Variants in PRMT3 observed in about 807,000 individuals in gnomAD.
PRMT3 encodes protein arginine methyltransferase 3.
Under a neutral mutation model 71.9 loss-of-function variants are expected in PRMT3, and 62 were observed. The observed-to-expected ratio is 0.86, with a 90% confidence interval of 0.70 to 1.07. The LOEUF (loss-of-function observed/expected upper bound fraction) is 1.07, where lower values mean the gene tolerates loss of function less well. Among genes scored for constraint, PRMT3 ranks in the 50% least tolerant of loss-of-function variants. PRMT3 has a pLI of 0.00. For missense variants in PRMT3, 663 were observed against 643.0 expected, an observed-to-expected ratio of 1.03 and a Z score of -0.34; for synonymous variants, 213 against 220.4, an observed-to-expected ratio of 0.97 and a Z score of 0.30.
intron 6 of PRMT3, among the ~76,000 whole-genome samples, chr11:20,396,494 G>A (rs775236105): frequency 5.3e-4 from 80 of 152,034 alleles, no homozygotes; most frequent in Non-Finnish European, 8.8e-4. Context: ...AAAATTAGCC[G>A]GGTTGTGGTG....
At chr11:20,389,972 T>C (rs117952768) in intron 3 of PRMT3, 146 bp downstream of exon 3, 7,665 of 562,098 alleles carry the variant, frequency 0.014, 107 homozygotes, top group Non-Finnish European at 0.018. Flanking sequence ...GCCAACATGC[T>C]GAAACCCCAC....
At chr11:20,494,539 G>A (rs1468050754) in intron 15 of PRMT3, among the ~76,000 whole-genome samples, 1 of 152,080 alleles carries the variant, frequency 6.6e-6, no homozygotes, top group Non-Finnish European at 1.5e-5. Flanking sequence ...TCACCATGTT[G>A]GTCCCCAACT....
intron 15 of PRMT3, among the ~76,000 whole-genome samples, chr11:20,504,745 A>AGC (rs1474759869): frequency 7.1e-5 from 10 of 141,250 alleles, no homozygotes; most frequent in East Asian, 2.1e-4. Context: ...AGAGAGAGAG[A>AGC]GCGAGAGCGA....
chr11:20,505,312 T>C (rs1458739513), intron 15 of PRMT3, among the ~76,000 whole-genome samples: 1 of 152,176 alleles, frequency 6.6e-6, no homozygotes, highest in Non-Finnish European at 1.5e-5. Context: ...ATACTTACTT[T>C]ATGTTGGGTC....
intron 8 of PRMT3, chr11:20,406,437 G>A (rs1186178471): frequency 6.6e-6 from 1 of 152,156 alleles, no homozygotes; most frequent in Non-Finnish European, 1.5e-5. Context: ...TTAGCATAAT[G>A]TCCTCAAGAT....
Position 20,419,179 on chromosome 11 carries a change from C to T in PRMT3, c.894-7587C>T, listed in dbSNP as rs563603159. ...AACAGTTGTGGTTGGTATTATCCAC[C>T]ATTAAAAAATGTTTCCAGTCATTTG... On this transcript the variant is annotated intron_variant, in intron 9 of 15. Transcript: ENST00000331079. Among the ~76,000 whole-genome samples the T allele has an allele frequency of 1.9e-3, 296 of 152,220 alleles. 3 individuals are homozygous for T. The highest frequency in any genetic ancestry group is 3.6e-3 in the Non-Finnish European group (246 of 68,018).
At chr11:20,448,761 C>A (rs953602268) in intron 10 of PRMT3, among the ~76,000 whole-genome samples, 2 of 152,144 alleles carry the variant, frequency 1.3e-5, no homozygotes, top group Admixed American at 1.3e-4. Flanking sequence ...AGTTAATATT[C>A]TAGTCCCTGA....
intron 9 of PRMT3, among the ~76,000 whole-genome samples, chr11:20,417,444 C>G (rs371666341): frequency 6.6e-6 from 1 of 152,106 alleles, no homozygotes; most frequent in Admixed American, 6.6e-5. Flanking sequence ...TTTAAATGCA[C>G]TCGATTAGGT....
At chr11:20,477,008 C>T (rs1402003406) in intron 13 of PRMT3, among the ~76,000 whole-genome samples, 2 of 152,098 alleles carry the variant, frequency 1.3e-5, no homozygotes, top group East Asian at 1.9e-4. Flanking sequence ...CGGGAGGGGT[C>T]GATCCCTTTT....
At chr11:20,486,249 AC>A (rs1851068298) in intron 13 of PRMT3, among the ~76,000 whole-genome samples, 1 of 152,242 alleles carries the variant, frequency 6.6e-6, no homozygotes, top group Non-Finnish European at 1.5e-5. Flanking sequence ...TGATGGTTAC[AC>A]AACTCTGAGT....
At chr11:20,428,639 T>C (rs1406450935) in intron 10 of PRMT3, among the ~76,000 whole-genome samples, 1 of 152,244 alleles carries the variant, frequency 6.6e-6, no homozygotes, top group Non-Finnish European at 1.5e-5. Flanking sequence ...TATTGAAAGT[T>C]GTACTGGAAT....
rs556121520 is a variant in PRMT3, at chr11:20,483,494, A to G, written c.1348-10425A>G. On this transcript the variant is annotated intron_variant, in intron 13 of 15. Transcript: ENST00000331079. ...GAAAACCGATGATGTGTGAGGGAGC[A>G]GGAGAAGAGAAATCTAGAGAAGCAG... is the stretch of plus-strand genomic sequence containing the variant. 5.9e-5 allele frequency among the ~76,000 whole-genome samples: 9 copies of G among 151,920 alleles called. No homozygotes were observed. In the South Asian group the frequency reaches 1.0e-3, roughly 18 times the overall value.
At chr11:20,388,768 A>AGCTGTGGTGT (rs1196720727) in intron 2 of PRMT3, among the ~76,000 whole-genome samples, 1 of 152,252 alleles carries the variant, frequency 6.6e-6, no homozygotes, top group African/African-American at 2.4e-5. Context: ...AAGGTCACAA[A>AGCTGTGGTGT]GCTGTGGTGT....
At chr11:20,493,307 C>A (rs960313297) in intron 13 of PRMT3, among the ~76,000 whole-genome samples, 2 of 152,038 alleles carry the variant, frequency 1.3e-5, no homozygotes, top group East Asian at 3.9e-4. Flanking sequence ...ATTCATAGTA[C>A]TTAAAAACAG....
chr11:20,467,423 C>G (rs2133410086), intron 13 of PRMT3, among the ~76,000 whole-genome samples: 1 of 152,254 alleles, frequency 6.6e-6, no homozygotes, highest in South Asian at 2.1e-4. Context: ...TTACTCTTTC[C>G]TGACCCAAAA....
At chr11:20,415,073 C>A (rs1173801372) in intron 9 of PRMT3, among the ~76,000 whole-genome samples, 1 of 145,794 alleles carries the variant, frequency 6.9e-6, no homozygotes, top group East Asian at 2.0e-4. Context: ...AAAAATATTA[C>A]AAAATACACC....
chr11:20,439,170 C>T (rs1849828713), intron 10 of PRMT3, among the ~76,000 whole-genome samples: 2 of 152,174 alleles, frequency 1.3e-5, no homozygotes, highest in Admixed American at 1.3e-4. Context: ...TGGGAGAGCA[C>T]AGCTATTTGG....
chr11:20,404,512 G>A (rs1475994181), intron 8 of PRMT3, among the ~76,000 whole-genome samples: 3 of 151,902 alleles, frequency 2.0e-5, no homozygotes, highest in African/African-American at 7.3e-5. Context: ...GATTACAGAC[G>A]TGAGCCACCA....
At chr11:20,402,437 T>A (rs1037679057) in intron 7 of PRMT3, among the ~76,000 whole-genome samples, 3 of 151,670 alleles carry the variant, frequency 2.0e-5, no homozygotes, top group African/African-American at 7.3e-5. Context: ...TTATTTCTAT[T>A]TTTTTTTGGA....
Sources: allele counts gnomAD v4.1 joint callset (sites outside exome capture counted in the v4.1 genomes callset), GRCh38; gene constraint gnomAD v4.1.1; transcripts MANE v1.5; gene names NCBI Gene and HGNC (gene_info 2026-07-23, HGNC 2026-07-21).